NEK1: variants seen among roughly 807,000 people sequenced by gnomAD.
The protein encoded by NEK1 is NIMA related kinase 1.
Under a neutral mutation model 182.1 loss-of-function variants are expected in NEK1, and 137 were observed. The observed-to-expected ratio is 0.75, with a 90% CI of 0.65 to 0.87. The LOEUF (loss-of-function observed/expected upper bound fraction) is 0.87, where lower values mean the gene tolerates loss of function less well. Ranked by LOEUF, NEK1 falls within the 40% of genes least tolerant of loss-of-function variation. The probability of loss-of-function intolerance (pLI) is 0.00; values close to 1 mark genes in which losing one functional copy is unlikely to be tolerated. For missense variants in NEK1, 1,391 were observed against 1,494.4 expected, an observed-to-expected ratio of 0.93 and a Z score of 1.14; for synonymous variants, 513 against 492.2, an observed-to-expected ratio of 1.04 and a Z score of -0.56.
In NEK1 at chr4:169,587,542, C is replaced by T; in HGVS notation, c.606+17G>A. On this transcript the variant is annotated intron_variant, in intron 9 of 35. Coordinates refer to ENST00000507142, the MANE Select transcript of NEK1 (RefSeq NM_001199397.3). ...TTTTAACATAACTTTGAAAGTATTTCAGAAACTTCTACTTACAGCATGTTT... is the reference window on the plus strand; with the variant it reads ...TTTTAACATAACTTTGAAAGTATTTTAGAAACTTCTACTTACAGCATGTTT... The T allele has an allele frequency of 7.2e-7, 1 of 1,395,398 alleles. No homozygotes were observed. The highest frequency in any genetic ancestry group is 9.7e-7 in the Non-Finnish European group (1 of 1,035,776). The allele number at this position is 1,395,398 out of a possible 1,614,324, so 86.4% of individuals were successfully genotyped here.
At chr4:169,468,724 C>T (rs936314208) in intron 26 of NEK1, among the ~76,000 whole-genome samples, 4 of 152,082 alleles carry the variant, frequency 2.6e-5, no homozygotes, top group Non-Finnish European at 5.9e-5. Context: ...TGGTAGAATT[C>T]GGCTGTGAAT....
At chr4:169,496,200 T>C (rs1380807483) in intron 23 of NEK1, among the ~76,000 whole-genome samples, 1 of 152,004 alleles carries the variant, frequency 6.6e-6, no homozygotes, top group Non-Finnish European at 1.5e-5. Flanking sequence ...TTTGGCTCTC[T>C]GTTTGTCTGT....
chr4:169,460,959 G>T (rs1743856961), intron 27 of NEK1, among the ~76,000 whole-genome samples: 1 of 152,144 alleles, frequency 6.6e-6, no homozygotes, highest in South Asian at 2.1e-4. Context: ...AGAGTTTCAA[G>T]CAATCAGAAT....
intron 27 of NEK1, among the ~76,000 whole-genome samples, chr4:169,450,110 G>A (rs139697981): frequency 0.013 from 2,031 of 151,950 alleles, 38 homozygotes; most frequent in African/African-American, 0.046. Flanking sequence ...GAAATAAAGC[G>A]AGAAGAGAAG....
At chr4:169,537,699 T>C in intron 19 of NEK1, 110 bp downstream of exon 19, 1 of 826,126 alleles carries the variant, frequency 1.2e-6, no homozygotes, top group Non-Finnish European at 2.1e-6. Context: ...TGCCTCTTAT[T>C]ATGCCTAGAT....
intron 5 of NEK1, among the ~76,000 whole-genome samples, chr4:169,595,331 TGAG>T (rs1769254349): frequency 6.6e-6 from 1 of 152,208 alleles, no homozygotes; most frequent in Non-Finnish European, 1.5e-5. Flanking sequence ...AATGAATAGA[TGAG>T]GAAGCCTTTT....
At position 169,452,533 on chromosome 4, in the gene NEK1, C is replaced by T. The variant is rs553062495; in HGVS notation, c.2587+10710G>A. ...CGTACACAAATCAATAAACGTAATC[C>T]ATCACATAAACAGAACCAACAACAA... On this transcript the variant is annotated intron_variant, in intron 27 of 35. Transcript: ENST00000507142. Among the ~76,000 whole-genome samples the T allele has an allele frequency of 7.9e-5, 12 of 152,272 alleles. No homozygotes were observed. The South Asian group carries it at 2.5e-3, about 32-fold the overall frequency.
At chr4:169,445,786 C>T (rs1381616351) in intron 27 of NEK1, among the ~76,000 whole-genome samples, 9 of 149,974 alleles carry the variant, frequency 6.0e-5, no homozygotes, top group Non-Finnish European at 1.2e-4. Context: ...CAGCATTATG[C>T]GATATACCCA....
intron 27 of NEK1, among the ~76,000 whole-genome samples, chr4:169,442,433 T>C (rs755867561): frequency 1.3e-5 from 2 of 151,900 alleles, no homozygotes; most frequent in South Asian, 2.1e-4. Context: ...TGGATACATA[T>C]ACGGGAAAAA....
intron 2 of NEK1, among the ~76,000 whole-genome samples, chr4:169,605,753 C>T (rs1771229717): frequency 6.6e-6 from 1 of 152,142 alleles, no homozygotes; most frequent in African/African-American, 2.4e-5. Flanking sequence ...ATGAAAATCA[C>T]AATACCAACT....
chr4:169,413,838 GAAACTCC>G (rs1342430453), intron 31 of NEK1, among the ~76,000 whole-genome samples: 17 of 152,304 alleles, frequency 1.1e-4, no homozygotes, highest in African/African-American at 4.1e-4. Context: ...GCTACACGGT[GAAACTCC>G]GTCTCCACTA....
intron 16 of NEK1, among the ~76,000 whole-genome samples, chr4:169,557,592 G>C (rs1056567079): frequency 1.3e-5 from 2 of 152,072 alleles, no homozygotes; most frequent in African/African-American, 4.8e-5. Context: ...GAGTAAAAAA[G>C]GGAAAACTTC....
chr4:169,482,315 T>C (rs1748192093), intron 23 of NEK1, among the ~76,000 whole-genome samples: 1 of 152,046 alleles, frequency 6.6e-6, no homozygotes, highest in African/African-American at 2.4e-5. Flanking sequence ...AGAGATGGGG[T>C]CTTGCTCTGT....
At chr4:169,424,843 C>T (rs1736097600) in intron 30 of NEK1, 43 bp from the exon 31 acceptor site, 2 of 1,511,460 alleles carry the variant, frequency 1.3e-6, no homozygotes, top group Admixed American at 2.0e-5. Flanking sequence ...CTATACAGTA[C>T]TTAAAGTTCT....
chr4:169,547,741 C>T (rs964675768), intron 18 of NEK1, among the ~76,000 whole-genome samples: 1 of 152,148 alleles, frequency 6.6e-6, no homozygotes, highest in African/African-American at 2.4e-5. Context: ...TCTCTGATAT[C>T]CTTTTCCACT....
intron 27 of NEK1, among the ~76,000 whole-genome samples, chr4:169,442,077 C>A (rs190674989): frequency 1.1e-4 from 16 of 152,276 alleles, no homozygotes; most frequent in Admixed American, 3.9e-4. Flanking sequence ...GACCCAGGGA[C>A]TAGCCCTGCC....
chr4:169,555,806 T>TGCA lies in NEK1; in HGVS notation c.1473_1475dup (p.Ala492dup), dbSNP rs1762081059. 1 of 1,613,782 alleles carries TGCA rather than the reference T, an allele frequency of 6.2e-7. No individual in the cohort carries two copies. Among genetic ancestry groups the TGCA allele is most frequent in the Admixed American group, 1.7e-5 (1 of 60,002 alleles). On this transcript the variant is annotated inframe_insertion, in exon 18 of 36. Transcript: ENST00000507142. ...CAGCATCAGGAAAATGGTGATGACC[T>TGCA]GCAGCCCCATAAGGAAATCCTGGAC...
intron 18 of NEK1, among the ~76,000 whole-genome samples, chr4:169,547,982 A>T (rs551894911): frequency 1.3e-5 from 2 of 152,264 alleles, no homozygotes; most frequent in South Asian, 4.1e-4. Context: ...TCAATTCATC[A>T]AACTCATTCT....
intron 12 of NEK1, among the ~76,000 whole-genome samples, chr4:169,570,104 C>T (rs1404769527): frequency 5.3e-5 from 8 of 151,156 alleles, no homozygotes; most frequent in Admixed American, 2.6e-4. Context: ...TCTGCCTGGC[C>T]GCCCATCGTC....
Sources: allele counts gnomAD v4.1 joint callset (sites outside exome capture counted in the v4.1 genomes callset), GRCh38; gene constraint gnomAD v4.1.1; transcripts MANE v1.5; gene names NCBI Gene and HGNC (gene_info 2026-07-23, HGNC 2026-07-21).